KANK2: variants seen among roughly 807,000 people sequenced by gnomAD.
The protein encoded by KANK2 is KN motif and ankyrin repeat domains 2.
A neutral mutation model predicts 74.6 loss-of-function variants in KANK2; 41 were observed. The ratio of observed to expected loss-of-function variants is 0.55; its 90% CI spans 0.43 to 0.71. KANK2 has a LOEUF of 0.71. Among genes scored for constraint, KANK2 ranks in the 30% least tolerant of loss-of-function variants. The pLI is 0.00. For missense variants in KANK2, 1,148 were observed against 1,196.4 expected (o/e 0.96, Z 0.60); for synonymous variants, 537 against 519.0 (o/e 1.03, Z -0.47).
chr19:11,177,906 A>G (rs115355169), intron 6 of KANK2, among the ~76,000 whole-genome samples: 1 of 151,720 alleles, frequency 6.6e-6, no homozygotes, highest in Non-Finnish European at 1.5e-5. Flanking sequence ...GCTAGCTCCT[A>G]CTTCTCCCGT....
rs1468347166 is a variant in KANK2 at position 11,165,620 on chromosome 19, GA to G, written c.*937del. The G allele has an allele frequency of 6.6e-6, 1 of 151,992 alleles. No individual in the cohort carries two copies. The highest frequency in any genetic ancestry group is 1.5e-5 in the Non-Finnish European group (1 of 68,012). The allele number at this position is 151,992 out of a possible 1,614,324, so 9.4% of individuals were successfully genotyped here. On this transcript the variant is annotated 3_prime_UTR_variant, in exon 13 of 13. Coordinates refer to ENST00000586659, the MANE Select transcript of KANK2 (RefSeq NM_001136191.3). ...AGGGTCTCGCTGTGTCGCCCAGGCT[GA>G]AGTGCAATGGTGTGATCATAGCTCA...
At position 11,176,714 on chromosome 19, in the gene KANK2, C is replaced by G. The variant is rs1450962601; in HGVS notation, c.1624G>C (p.Ala542Pro). ...PEPRERVPSV[A>P]EAPQLRPAGT... Reference sequence around the variant, plus strand: ...GCAGGCCTGAGCTGGGGGGCTTCGGCCACACTCGGAACCCTCTCCCTCGGC... The same window carrying G: ...GCAGGCCTGAGCTGGGGGGCTTCGGGCACACTCGGAACCCTCTCCCTCGGC... Residue 542 changes from alanine (A) to proline (P), a missense_variant, in exon 7 of 13, where the codon GCC becomes CCC. Transcript: ENST00000586659. The G allele has an allele frequency of 2.5e-6, 4 of 1,612,024 alleles. No individual in the cohort carries two copies. The highest frequency in any genetic ancestry group is 2.5e-6 in the Non-Finnish European group (3 of 1,179,162).
chr19:11,171,959 C>G (rs1034760603), intron 10 of KANK2, among the ~76,000 whole-genome samples: 1 of 150,854 alleles, frequency 6.6e-6, no homozygotes, highest in African/African-American at 2.4e-5. Flanking sequence ...CAGGCATGAG[C>G]CACCGCACCC....
At chr19:11,169,796 G>A (rs1401250706) in intron 12 of KANK2, 81 bp downstream of exon 12, 21 of 1,208,358 alleles carry the variant, frequency 1.7e-5, no homozygotes, top group Non-Finnish European at 2.3e-5. Context: ...GTGAGACTCT[G>A]CCTCAAAAAC....
At chr19:11,171,579 C>T (rs1469193382) in intron 10 of KANK2, among the ~76,000 whole-genome samples, 1 of 151,340 alleles carries the variant, frequency 6.6e-6, no homozygotes, top group East Asian at 1.9e-4. Context: ...TCTCTAGGTT[C>T]CCCAGGCTGG....
chr19:11,174,675 T>G lies in KANK2; in HGVS notation c.1866A>C (p.Thr622=). ...CCAGGCGCAGCCACTCCTGCAGCACTGTGGTGTAGGCCACTTTCTGCATGC... is the reference window on the plus strand; with the variant it reads ...CCAGGCGCAGCCACTCCTGCAGCACGGTGGTGTAGGCCACTTTCTGCATGC... ...TERELKVAYT[T]VLQEWLRLAC... is the part of the protein sequence containing the mutation. The change falls in exon 9 of 13, where the codon ACA becomes ACC. Residue 622 remains threonine, a synonymous_variant. Transcript: ENST00000586659. 1 of 1,606,230 alleles carries G rather than the reference T, an allele frequency of 6.2e-7. No individual in the cohort carries two copies. Among genetic ancestry groups the G allele is most frequent in the Non-Finnish European group, 8.5e-7 (1 of 1,177,146 alleles).
chr19:11,180,955 T>C (rs892690815), intron 4 of KANK2, among the ~76,000 whole-genome samples: 3 of 151,496 alleles, frequency 2.0e-5, no homozygotes, highest in Admixed American at 6.6e-5. Flanking sequence ...GGCATGGTGG[T>C]AGACATTTGT....
In KANK2 at chr19:11,192,927, C is replaced by A; in HGVS notation, c.1153G>T (p.Val385Leu). ...GCGGGCACTGGGCACATTGTCTCCA[C>A]CACCTCCTGGCTGCGGAACACAGGT... ...SPPVFRSQEV[V>L]ETMCPVPAAA... Residue 385 changes from valine (V) to leucine (L), a missense_variant, in exon 4 of 13, where the codon GTG (valine) becomes TTG (leucine). Coordinates refer to ENST00000586659, the MANE Select transcript of KANK2 (RefSeq NM_001136191.3). 1.9e-6 allele frequency: 3 copies of A among 1,614,194 alleles called. No individual in the cohort carries two copies. The highest frequency in any genetic ancestry group is 2.5e-6 in the Non-Finnish European group (3 of 1,180,024).
At chr19:11,167,873 T>TTGCAC (rs1216169514) in intron 12 of KANK2, among the ~76,000 whole-genome samples, 1 of 151,910 alleles carries the variant, frequency 6.6e-6, no homozygotes. Context: ...CTCAGGGCCT[T>TTGCAC]TGCACTGCTT....
In KANK2 at chr19:11,165,547, G is replaced by A. The variant is rs1392658451; in HGVS notation, c.*1011C>T. ...TTGCCAAGGCCTCCATGTGGGGAAG[G>A]GAGGGGTTTCTGGGTAATTTGTCTC... On this transcript the variant is annotated 3_prime_UTR_variant, in exon 13 of 13. Coordinates refer to ENST00000586659, the MANE Select transcript of KANK2 (RefSeq NM_001136191.3). The A allele has an allele frequency of 6.6e-6, 1 of 152,030 alleles. No homozygotes were observed. The highest frequency in any genetic ancestry group is 1.9e-4 in the East Asian group (1 of 5,194). 9.4% of individuals were successfully genotyped at this position (152,030 alleles called of 1,614,324 possible). A position where few individuals can be genotyped will look rare whatever the true frequency, so the allele number is the denominator to read the frequency against.
chr19:11,175,867 G>T (rs750064948), intron 8 of KANK2, 35 bp downstream of exon 8: 7 of 1,560,746 alleles, frequency 4.5e-6, no homozygotes, highest in Admixed American at 1.7e-5. Flanking sequence ...AGGGGTCCGG[G>T]GGGTGGCCAA....
chr19:11,176,212 C>A (rs2078331976), intron 7 of KANK2, among the ~76,000 whole-genome samples: 1 of 152,136 alleles, frequency 6.6e-6, no homozygotes, highest in Non-Finnish European at 1.5e-5. Context: ...AAGTTTATTC[C>A]AAATGCCCAC....
intron 12 of KANK2, among the ~76,000 whole-genome samples, chr19:11,167,345 G>GT (rs1367829712): frequency 2.0e-5 from 3 of 151,866 alleles, no homozygotes; most frequent in Non-Finnish European, 2.9e-5. Flanking sequence ...GATTACAGGC[G>GT]TGAGCCACCG....
In KANK2 at chr19:11,175,014, G is replaced by A. The variant is rs1382171746; in HGVS notation, c.1849-322C>T. On this transcript the variant is annotated intron_variant, in intron 8 of 12. Transcript: ENST00000586659. Reference sequence around the variant, plus strand: ...GCTCTGTTGCCTAGGCTGGAGTGCAGTTACATGATCAGGACTCACTGCAGC... The same window carrying A: ...GCTCTGTTGCCTAGGCTGGAGTGCAATTACATGATCAGGACTCACTGCAGC... Among the ~76,000 whole-genome samples, 3 of 150,134 alleles carry A rather than the reference G, an allele frequency of 2.0e-5. No homozygotes were observed. In the East Asian group the frequency reaches 5.9e-4, roughly 30 times the overall value.
At position 11,176,735 on chromosome 19, in the gene KANK2, T is replaced by C; in HGVS notation, c.1603A>G (p.Arg535Gly). Residue 535 changes from arginine to glycine, a missense_variant, in exon 7 of 13, where the codon AGG (arginine) becomes GGG (glycine). Transcript: ENST00000586659. ...TCGGCCACACTCGGAACCCTCTCCC[T>C]CGGCTCTGGGGCCTCGTTCTCTGTG... ...DSTENEAPEP[R>G]ERVPSVAEAP... 1 of 1,609,944 alleles carries C rather than the reference T, an allele frequency of 6.2e-7. No homozygotes were observed.
intron 6 of KANK2, 55 bp from the exon 7 acceptor site, chr19:11,176,872 G>A (rs2078357526): frequency 6.7e-7 from 1 of 1,481,920 alleles, no homozygotes; most frequent in Admixed American, 2.4e-5. Flanking sequence ...GAGAAATGGT[G>A]GGAAAGGAAG....
Position 11,174,675 on chromosome 19 carries a change from T to C in KANK2, c.1866A>G (p.Thr622=), listed in dbSNP as rs556672599. The change falls in exon 9 of 13, where the codon ACA becomes ACG. Residue 622 remains threonine (T), a synonymous_variant. Transcript: ENST00000586659. The part of the protein sequence containing the change: ...TERELKVAYT[T]VLQEWLRLAC... ...CCAGGCGCAGCCACTCCTGCAGCAC[T>C]GTGGTGTAGGCCACTTTCTGCATGC... 8.7e-6 allele frequency: 14 copies of C among 1,606,230 alleles called. No individual in the cohort carries two copies. The highest frequency in any genetic ancestry group is 1.1e-5 in the South Asian group (1 of 90,080).
At chr19:11,191,986 G>C (rs1437794160) in intron 4 of KANK2, among the ~76,000 whole-genome samples, 1 of 152,148 alleles carries the variant, frequency 6.6e-6, no homozygotes, top group Admixed American at 6.5e-5. Flanking sequence ...TTGAGCCTAG[G>C]AAGTCAAGGC....
At chr19:11,191,439 T>C (rs2078842315) in intron 4 of KANK2, among the ~76,000 whole-genome samples, 1 of 152,190 alleles carries the variant, frequency 6.6e-6, no homozygotes. Context: ...TTTCCTGGCA[T>C]GAGGACTCAG....
Sources: allele counts gnomAD v4.1 joint callset (sites outside exome capture counted in the v4.1 genomes callset), GRCh38; gene constraint gnomAD v4.1.1; transcripts MANE v1.5; gene names NCBI Gene and HGNC (gene_info 2026-07-23, HGNC 2026-07-21).